STMN2: variants seen among roughly 807,000 people sequenced by gnomAD.
The protein encoded by STMN2 is stathmin-2.
STMN2 carries 2 observed loss-of-function variants against 24.1 expected under a neutral mutation model. The observed-to-expected ratio is 0.08, with a 90% CI of 0.03 to 0.26. The LOEUF is 0.26. Among genes scored for constraint, STMN2 ranks in the 10% least tolerant of loss-of-function variants. The probability of loss-of-function intolerance (pLI) is 1.00; values close to 1 mark genes in which losing one functional copy is unlikely to be tolerated. For missense variants in STMN2, 114 were observed against 213.6 expected, an observed-to-expected ratio of 0.53 and a Z score of 2.91; for synonymous variants, 83 against 77.5, an observed-to-expected ratio of 1.07 and a Z score of -0.37.
intron 3 of STMN2, among the ~76,000 whole-genome samples, chr8:79,647,461 A>G (rs1810242480): frequency 6.6e-6 from 1 of 152,144 alleles, no homozygotes; most frequent in South Asian, 2.1e-4. Context: ...GGGAACTATG[A>G]CCTAGGCTGT....
At chr8:79,632,741 A>C (rs1809837963) in intron 1 of STMN2, among the ~76,000 whole-genome samples, 1 of 152,194 alleles carries the variant, frequency 6.6e-6, no homozygotes, top group Admixed American at 6.5e-5. Context: ...TCTTTTACAC[A>C]CAGCATTAGC....
intron 1 of STMN2, among the ~76,000 whole-genome samples, chr8:79,635,154 G>T (rs1809912494): frequency 6.6e-6 from 1 of 152,146 alleles, no homozygotes; most frequent in African/African-American, 2.4e-5. Context: ...AGTTTACCAG[G>T]GCAGGAGGCT....
chr8:79,628,285 T>C (rs1809708645), intron 1 of STMN2, among the ~76,000 whole-genome samples: 2 of 152,066 alleles, frequency 1.3e-5, no homozygotes, highest in Admixed American at 6.5e-5. Context: ...TGCCTCAGCC[T>C]CCTGAGTAGC....
At position 79,665,001 on chromosome 8, in the gene STMN2, AAC is replaced by A. The variant is rs199629948; in HGVS notation, c.*129_*130del. The A allele has an allele frequency of 8.3e-4, 729 of 878,338 alleles. 7 individuals are homozygous for A. In the African/African-American group the frequency reaches 0.012, roughly 14 times the overall value. The allele number at this position is 878,338 out of a possible 1,614,324, so 54.4% of individuals were successfully genotyped here. On this transcript the variant is annotated 3_prime_UTR_variant, in exon 5 of 5. Coordinates refer to ENST00000220876, the MANE Select transcript of STMN2 (RefSeq NM_007029.4). The stretch of plus-strand genomic sequence containing the variant: ...AAAGAACTCATTATAAAAAAAAAAA[AAC>A]AAAAAAAATCAAAAATTAAAAAAAA...
At chr8:79,617,109 T>C (rs1039440296) in intron 1 of STMN2, among the ~76,000 whole-genome samples, 3 of 150,908 alleles carry the variant, frequency 2.0e-5, no homozygotes, top group South Asian at 2.1e-4. Context: ...CTGAATACCA[T>C]GTGAGAAAAT....
Position 79,664,995 on chromosome 8 carries a change from A to T in STMN2, c.*121A>T. Reference sequence around the variant, plus strand: ...GTTTAAAAAGAACTCATTATAAAAAAAAAAAAACAAAAAAAATCAAAAATT... The same window carrying T: ...GTTTAAAAAGAACTCATTATAAAAATAAAAAAACAAAAAAAATCAAAAATT... On this transcript the variant is annotated 3_prime_UTR_variant, in exon 5 of 5. Coordinates refer to ENST00000220876, the MANE Select transcript of STMN2 (RefSeq NM_007029.4). The T allele has an allele frequency of 1.2e-6, 1 of 854,678 alleles. No homozygotes were observed. The highest frequency in any genetic ancestry group is 4.0e-5 in the South Asian group (1 of 25,310). 52.9% of individuals were successfully genotyped at this position (854,678 alleles called of 1,614,324 possible). A position where few individuals can be genotyped will look rare whatever the true frequency, so the allele number is the denominator to read the frequency against.
At chr8:79,661,118 C>G (rs1203995835) in intron 4 of STMN2, among the ~76,000 whole-genome samples, 4 of 152,090 alleles carry the variant, frequency 2.6e-5, no homozygotes, top group Non-Finnish European at 5.9e-5. Flanking sequence ...CATGCATGAG[C>G]CTGTGTCTTT....
At chr8:79,612,628 G>A (rs1466736935) in intron 1 of STMN2, among the ~76,000 whole-genome samples, 1 of 152,180 alleles carries the variant, frequency 6.6e-6, no homozygotes. Context: ...AGTGCCCACG[G>A]TTCTGGCGCT....
intron 3 of STMN2, 105 bp downstream of exon 3, chr8:79,641,655 C>T (rs1223291865): frequency 8.7e-6 from 7 of 807,508 alleles, no homozygotes; most frequent in Non-Finnish European, 1.3e-5. Flanking sequence ...CACACACACA[C>T]ACACACACAC....
At chr8:79,642,817 T>A (rs886396514) in intron 3 of STMN2, among the ~76,000 whole-genome samples, 11 of 151,390 alleles carry the variant, frequency 7.3e-5, no homozygotes, top group African/African-American at 2.7e-4. Flanking sequence ...ATATGTAATA[T>A]GCTGATCTCA....
At chr8:79,628,556 A>T (rs1227352238) in intron 1 of STMN2, among the ~76,000 whole-genome samples, 1 of 152,144 alleles carries the variant, frequency 6.6e-6, no homozygotes, top group African/African-American at 2.4e-5. Flanking sequence ...TTTTCTCCAC[A>T]TTCTGGCTAA....
Position 79,664,840 on chromosome 8 carries a change from G to A in STMN2, c.506G>A (p.Arg169Lys). Reference protein sequence around the residue: ...EKERHAAEVRRNKELQVELSG With the variant: ...EKERHAAEVRKNKELQVELSG ...GAGAGGCATGCTGCGGAGGTGCGCA[G>A]GAACAAGGAACTCCAGGTTGAACTG... The change falls in exon 5 of 5, where the codon AGG becomes AAG. Residue 169 changes from arginine to lysine, a missense_variant. Transcript: ENST00000220876. The A allele has an allele frequency of 1.2e-6, 2 of 1,613,324 alleles. No individual in the cohort carries two copies. Among genetic ancestry groups the A allele is most frequent in the Non-Finnish European group, 1.7e-6 (2 of 1,179,606 alleles).
intron 3 of STMN2, among the ~76,000 whole-genome samples, chr8:79,653,803 A>G (rs12676762): frequency 0.13 from 19,583 of 152,182 alleles, 1,488 homozygotes; most frequent in South Asian, 0.22. Context: ...TGATCCTGAG[A>G]AATTATCCAG....
At chr8:79,656,896 T>A (rs537257132) in intron 4 of STMN2, among the ~76,000 whole-genome samples, 1 of 148,930 alleles carries the variant, frequency 6.7e-6, no homozygotes, top group Non-Finnish European at 1.5e-5. Context: ...TTTTTTGAGA[T>A]AGAGTCTCGC....
At chr8:79,624,272 G>A (rs1809591341) in intron 1 of STMN2, among the ~76,000 whole-genome samples, 3 of 151,856 alleles carry the variant, frequency 2.0e-5, no homozygotes. Flanking sequence ...GGCTAACACG[G>A]TGAAACCCCG....
rs76468033 is a variant in STMN2 at position 79,621,002 on chromosome 8, T to A, written c.19+9788T>A. 997 of 985,146 alleles carry A rather than the reference T, an allele frequency of 1.0e-3. 11 individuals are homozygous for A. In the African/African-American group the frequency reaches 0.016, roughly 16 times the overall value. 61.0% of individuals were successfully genotyped at this position (985,146 alleles called of 1,614,324 possible). ...CCCCAAGCAGCAGGCCAGGACAGCA[T>A]GTGAGTTACGTCCTCTGTGGAGCTC... On this transcript the variant is annotated intron_variant, in intron 1 of 4. Transcript: ENST00000220876.
chr8:79,656,881 T>C (rs182119801), intron 4 of STMN2, among the ~76,000 whole-genome samples: 1 of 150,442 alleles, frequency 6.6e-6, no homozygotes, highest in East Asian at 1.9e-4. Context: ...TTTTTGTTTG[T>C]TTGTTTTTTT....
intron 1 of STMN2, among the ~76,000 whole-genome samples, chr8:79,628,751 G>C (rs1017280615): frequency 6.6e-6 from 1 of 152,058 alleles, no homozygotes; most frequent in Non-Finnish European, 1.5e-5. Flanking sequence ...TCTCAGAGGA[G>C]CTTTCATTTC....
chr8:79,616,837 C>G lies in STMN2; in HGVS notation c.19+5623C>G, dbSNP rs1230800262. On this transcript the variant is annotated intron_variant, in intron 1 of 4. Coordinates refer to ENST00000220876, the MANE Select transcript of STMN2 (RefSeq NM_007029.4). ...CATATTGCAGGACTCGGCAGAAGAC[C>G]TTCGAGAGAAAGGTAGAAAATAAGA... 3.3e-5 allele frequency among the ~76,000 whole-genome samples: 5 copies of G among 152,102 alleles called. No homozygotes were observed. The South Asian group carries it at 6.2e-4, about 19-fold the overall frequency.
Sources: allele counts gnomAD v4.1 joint callset (sites outside exome capture counted in the v4.1 genomes callset), GRCh38; gene constraint gnomAD v4.1.1; transcripts MANE v1.5; gene names NCBI Gene and HGNC (gene_info 2026-07-23, HGNC 2026-07-21).